Variants in ADGRF4 observed in about 807,000 individuals in gnomAD.
The protein encoded by ADGRF4 is G-protein coupled receptor PGR18.
ADGRF4 carries 63 observed loss-of-function variants against 58.5 expected under a neutral mutation model. The ratio of observed to expected loss-of-function variants is 1.08; its 90% CI spans 0.88 to 1.33. The LOEUF is 1.33. ADGRF4 is among the 40% of genes most tolerant of loss of function. The pLI, the probability that ADGRF4 is intolerant of heterozygous loss-of-function variation, is 0.00. For missense variants in ADGRF4, 931 were observed against 843.9 expected (o/e 1.10, Z -1.28); for synonymous variants, 313 against 295.4 (o/e 1.06, Z -0.61).
At chr6:47,718,735 C>T (rs1204563909) in intron 9 of ADGRF4, among the ~76,000 whole-genome samples, 1 of 152,112 alleles carries the variant, frequency 6.6e-6, no homozygotes, top group Non-Finnish European at 1.5e-5. Flanking sequence ...AGTAATAACA[C>T]TCATAATAGC....
intron 4 of ADGRF4, among the ~76,000 whole-genome samples, chr6:47,711,454 G>C (rs930061720): frequency 2.8e-4 from 43 of 152,200 alleles, no homozygotes; most frequent in African/African-American, 9.4e-4. Flanking sequence ...GTAGAGATGG[G>C]GTTTCACCAT....
chr6:47,712,513 T>A lies in ADGRF4; in HGVS notation c.457T>A (p.Ser153Thr), dbSNP rs769210864. Residue 153 changes from serine to threonine, a missense_variant, in exon 5 of 10, where the codon TCA (serine) becomes ACA (threonine). By Grantham distance (58) the Ser-to-Thr change is moderately conservative. Coordinates refer to ENST00000283303, the MANE Select transcript of ADGRF4 (RefSeq NM_153838.5). Reference protein sequence around the residue: ...YACITDMVKSSETTSGNIAFI... With the variant: ...YACITDMVKSTETTSGNIAFI... ...CTGCATCACTGACATGGTGAAATCA[T>A]CAGAAACAACATCTGGAAATATTGC... 3.1e-6 allele frequency: 5 copies of A among 1,613,676 alleles called. No individual in the cohort carries two copies. Among genetic ancestry groups the A allele is most frequent in the African/African-American group, 1.3e-5 (1 of 75,024 alleles).
chr6:47,720,515 G>A (rs1772133993), intron 9 of ADGRF4, among the ~76,000 whole-genome samples: 2 of 152,182 alleles, frequency 1.3e-5, no homozygotes, highest in African/African-American at 4.8e-5. Flanking sequence ...GTTGAGACAG[G>A]TCTGTCAGGT....
chr6:47,713,352 G>C (rs549170397), intron 5 of ADGRF4, among the ~76,000 whole-genome samples: 1 of 152,202 alleles, frequency 6.6e-6, no homozygotes, highest in Admixed American at 6.5e-5. Context: ...AACAAAGTTA[G>C]GCAAGTTTCC....
At position 47,702,199 on chromosome 6, in the gene ADGRF4, A is replaced by G. The variant is rs1328294293; in HGVS notation, c.-17+3405A>G. Among the ~76,000 whole-genome samples, 3 of 152,188 alleles carry G rather than the reference A, an allele frequency of 2.0e-5. No homozygotes were observed. In the East Asian group the frequency reaches 5.8e-4, roughly 29 times the overall value. ...TGGGTGAAACAGTTTTCTTACTACA[A>G]GAAATCTCAGAACCTTTGATATGTG... On this transcript the variant is annotated intron_variant, in intron 1 of 9. Transcript: ENST00000283303.
chr6:47,718,532 C>T (rs549257625), intron 9 of ADGRF4, 87 bp downstream of exon 9: 81 of 793,226 alleles, frequency 1.0e-4, no homozygotes, highest in South Asian at 8.7e-4. Context: ...TTGCCTGCTA[C>T]GTGCTGCCAG....
At chr6:47,715,982 GATTTTT>G in intron 6 of ADGRF4, among the ~76,000 whole-genome samples, 1 of 63,816 alleles carries the variant, frequency 1.6e-5, no homozygotes, top group African/African-American at 5.1e-5. Flanking sequence ...TGACATGAGG[GATTTTT>G]TTTTTTTTTT....
intron 1 of ADGRF4, 115 bp from the exon 2 acceptor site, chr6:47,707,115 A>G (rs1343820109): frequency 3.0e-6 from 2 of 668,588 alleles, no homozygotes; most frequent in African/African-American, 1.8e-5. Context: ...CTGCTTTGGC[A>G]TGACTATCTC....
intron 1 of ADGRF4, among the ~76,000 whole-genome samples, chr6:47,704,741 A>C (rs577934973): frequency 8.2e-4 from 125 of 152,304 alleles, no homozygotes; most frequent in Non-Finnish European, 1.6e-3. Context: ...AAAATATTGG[A>C]TATATCAGAG....
In ADGRF4 at chr6:47,721,576, G is replaced by A. The variant is rs1772159971; in HGVS notation, c.*371G>A. 1 of 152,120 alleles carries A rather than the reference G, an allele frequency of 6.6e-6. No homozygotes were observed. The highest frequency in any genetic ancestry group is 2.4e-5 in the African/African-American group (1 of 41,392). 9.4% of individuals were successfully genotyped at this position (152,120 alleles called of 1,614,324 possible). On this transcript the variant is annotated 3_prime_UTR_variant, in exon 10 of 10. Coordinates refer to ENST00000283303, the MANE Select transcript of ADGRF4 (RefSeq NM_153838.5). ...GTCTTTCACTCCTGAGGCCTGCTCT[G>A]TGGCTCCATAGCTCAGTCCTCCATC...
At chr6:47,713,331 G>A (rs773817518) in intron 5 of ADGRF4, among the ~76,000 whole-genome samples, 1 of 152,202 alleles carries the variant, frequency 6.6e-6, no homozygotes. Context: ...GTTGTGGGAG[G>A]TTCTGAGTTA....
At chr6:47,720,134 C>A (rs1438901869) in intron 9 of ADGRF4, among the ~76,000 whole-genome samples, 1 of 152,104 alleles carries the variant, frequency 6.6e-6, no homozygotes, top group Non-Finnish European at 1.5e-5. Context: ...CAGTACAGGG[C>A]TAAGAAATTC....
rs1772164352 is a variant in ADGRF4, at chr6:47,721,679, G to C, written c.*474G>C. ...GGGGTAGGGTTGGGGGTGGGAGTGG[G>C]AGTGTGGGTTGGCAGGAGGAAGAAT... On this transcript the variant is annotated 3_prime_UTR_variant, in exon 10 of 10. Transcript: ENST00000283303. 6.6e-6 allele frequency: 1 copy of C among 152,164 alleles called. No individual in the cohort carries two copies. Among genetic ancestry groups the C allele is most frequent in the Non-Finnish European group, 1.5e-5 (1 of 68,076 alleles). 9.4% of individuals were successfully genotyped at this position (152,164 alleles called of 1,614,324 possible). A position where few individuals can be genotyped will look rare whatever the true frequency, so the allele number is the denominator to read the frequency against.
intron 6 of ADGRF4, 132 bp downstream of exon 6, chr6:47,715,309 A>C: frequency 1.4e-6 from 1 of 710,334 alleles, no homozygotes; most frequent in South Asian, 2.1e-5. Flanking sequence ...TGGCTATGGC[A>C]TCTGTGACTG....
intron 9 of ADGRF4, among the ~76,000 whole-genome samples, chr6:47,719,328 G>A (rs1032920048): frequency 2.0e-5 from 3 of 152,130 alleles, no homozygotes; most frequent in Admixed American, 2.0e-4. Context: ...GAGGTGGAGG[G>A]CTGTGTCATA....
In ADGRF4 at chr6:47,714,533, G is replaced by T. The variant is rs185690300; in HGVS notation, c.1288G>T (p.Val430Leu). ...LIIEATVWSR[V>L]VVTEISYMRH... is the part of the protein sequence containing the mutation. ...CATTGAAGCCACAGTGTGGTCCCGGGTGGTTGTGACGGAGATATCATACAT... is the reference window on the plus strand; with the variant it reads ...CATTGAAGCCACAGTGTGGTCCCGGTTGGTTGTGACGGAGATATCATACAT... Residue 430 changes from valine to leucine, a missense_variant, in exon 6 of 10, where the codon GTG becomes TTG. Coordinates refer to ENST00000283303, the MANE Select transcript of ADGRF4 (RefSeq NM_153838.5). 6.2e-7 allele frequency: 1 copy of T among 1,614,110 alleles called. No individual in the cohort carries two copies. The highest frequency in any genetic ancestry group is 2.2e-5 in the East Asian group (1 of 44,870).
At chr6:47,699,765 G>A (rs1771543566) in intron 1 of ADGRF4, among the ~76,000 whole-genome samples, 1 of 152,126 alleles carries the variant, frequency 6.6e-6, no homozygotes, top group Non-Finnish European at 1.5e-5. Context: ...TCTGCTATGA[G>A]GGCAAGAGAT....
intron 5 of ADGRF4, among the ~76,000 whole-genome samples, chr6:47,713,088 G>A (rs902486282): frequency 5.0e-4 from 76 of 152,182 alleles, no homozygotes; most frequent in African/African-American, 1.7e-3. Context: ...CTGCCTATGA[G>A]AGGGATGTAG....
chr6:47,709,873 T>C (rs1176061193), intron 3 of ADGRF4, among the ~76,000 whole-genome samples: 1 of 151,828 alleles, frequency 6.6e-6, no homozygotes, highest in Non-Finnish European at 1.5e-5. Flanking sequence ...TTTTTGTGCT[T>C]TTTGTTGGTG....
Sources: gnomAD v4.1 joint callset for allele counts (sites outside exome capture counted in the v4.1 genomes callset) on GRCh38, gnomAD v4.1.1 for gene constraint, MANE v1.5 for transcripts, NCBI Gene and HGNC (gene_info 2026-07-23, HGNC 2026-07-21) for gene names.